Variants in CERS6 observed in about 807,000 individuals in gnomAD.
The protein encoded by CERS6 is ceramide synthase 6.
Under a neutral mutation model 56.8 loss-of-function variants are expected in CERS6, and 26 were observed. The ratio of observed to expected loss-of-function variants is 0.46; its 90% confidence interval spans 0.34 to 0.63. CERS6 has a LOEUF of 0.63. Ranked by LOEUF, CERS6 falls within the 30% of genes least tolerant of loss-of-function variation. The pLI is 0.01. For missense variants in CERS6, 415 were observed against 467.5 expected, an observed-to-expected ratio of 0.89 and a Z score of 1.04; for synonymous variants, 164 against 173.3, an observed-to-expected ratio of 0.95 and a Z score of 0.42.
intron 3 of CERS6, among the ~76,000 whole-genome samples, chr2:168,605,304 T>G (rs1684026882): frequency 6.6e-6 from 1 of 152,184 alleles, no homozygotes; most frequent in African/African-American, 2.4e-5. Context: ...TGGAAGAAAT[T>G]TCTAAGCAGC....
At chr2:168,620,997 A>C (rs1684458787) in intron 3 of CERS6, among the ~76,000 whole-genome samples, 1 of 152,136 alleles carries the variant, frequency 6.6e-6, no homozygotes, top group South Asian at 2.1e-4. Context: ...TCCTGGGCTC[A>C]AGCAGTCTGC....
intron 4 of CERS6, among the ~76,000 whole-genome samples, chr2:168,659,403 A>G (rs1485963794): frequency 6.6e-6 from 1 of 152,270 alleles, no homozygotes; most frequent in Non-Finnish European, 1.5e-5. Flanking sequence ...CTTCTTGTAT[A>G]TATAGAAATG....
chr2:168,626,364 T>C (rs1405173595), intron 3 of CERS6, among the ~76,000 whole-genome samples: 2 of 152,138 alleles, frequency 1.3e-5, no homozygotes, highest in African/African-American at 4.8e-5. Context: ...TTCCCCTGCT[T>C]CTGCTGCCTC....
At position 168,769,652 on chromosome 2, in the gene CERS6, T is replaced by C. The variant is rs1684815112; in HGVS notation, c.1145T>C (p.Met382Thr). Residue 382 changes from methionine to threonine, a missense_variant, in exon 10 of 10, where the codon ATG becomes ACG. Physicochemically the swap from Met to Thr is moderately conservative, Grantham distance 81. Transcript: ENST00000305747. ...NGYLLTGSCS[M>T]DD ...TATCTCCTGACTGGCTCCTGCTCCATGGATGATTAATTACTCAAAACTACA... is the reference window on the plus strand; with the variant it reads ...TATCTCCTGACTGGCTCCTGCTCCACGGATGATTAATTACTCAAAACTACA... 1 of 1,610,288 alleles carries C rather than the reference T, an allele frequency of 6.2e-7. No individual in the cohort carries two copies. Among genetic ancestry groups the C allele is most frequent in the Non-Finnish European group, 8.5e-7 (1 of 1,178,862 alleles).
intron 4 of CERS6, among the ~76,000 whole-genome samples, chr2:168,673,933 A>G (rs1468818256): frequency 2.6e-5 from 4 of 152,130 alleles, no homozygotes; most frequent in African/African-American, 4.8e-5. Flanking sequence ...TATGTCTTCC[A>G]TGGCCATATG....
chr2:168,742,237 A>G (rs1478179226), intron 8 of CERS6, among the ~76,000 whole-genome samples: 2 of 152,108 alleles, frequency 1.3e-5, no homozygotes, highest in African/African-American at 4.8e-5. Context: ...CAGGAGCCTG[A>G]TGTTCTTATT....
intron 1 of CERS6, among the ~76,000 whole-genome samples, chr2:168,498,240 C>G (rs1346759671): frequency 6.6e-6 from 1 of 152,114 alleles, no homozygotes; most frequent in East Asian, 1.9e-4. Context: ...TTTTAATCCC[C>G]CTCCACATCT....
intron 3 of CERS6, among the ~76,000 whole-genome samples, chr2:168,613,177 A>G (rs1684229521): frequency 6.6e-6 from 1 of 152,202 alleles, no homozygotes; most frequent in Non-Finnish European, 1.5e-5. Flanking sequence ...GGAAGGAAGA[A>G]ACAGTGGATT....
chr2:168,490,292 G>A (rs1694346943), intron 1 of CERS6, among the ~76,000 whole-genome samples: 1 of 152,064 alleles, frequency 6.6e-6, no homozygotes, highest in Admixed American at 6.6e-5. Flanking sequence ...ATCCTCTTTG[G>A]CCTGTGAGGG....
In CERS6 at chr2:168,670,646, G is replaced by C. The variant is rs1213773576; in HGVS notation, c.466-20388G>C. 2.0e-5 allele frequency among the ~76,000 whole-genome samples: 3 copies of C among 152,126 alleles called. No individual in the cohort carries two copies. In the East Asian group the frequency reaches 5.8e-4, roughly 29 times the overall value. On this transcript the variant is annotated intron_variant, in intron 4 of 9. Coordinates refer to ENST00000305747, the MANE Select transcript of CERS6 (RefSeq NM_203463.3). The stretch of plus-strand genomic sequence containing the variant: ...AAAACAGAAAAGTGAAAGTTACAAT[G>C]ATAGTGATTTCCTTCAGGCTTTTGC...
chr2:168,705,039 C>T (rs1353491565), intron 6 of CERS6, among the ~76,000 whole-genome samples: 1 of 152,124 alleles, frequency 6.6e-6, no homozygotes, highest in Non-Finnish European at 1.5e-5. Context: ...CTCACACGTC[C>T]GTTTCTGAGA....
chr2:168,636,563 C>T (rs1267759179), intron 4 of CERS6, among the ~76,000 whole-genome samples: 1 of 152,116 alleles, frequency 6.6e-6, no homozygotes, highest in African/African-American at 2.4e-5. Context: ...ATTGTCATCC[C>T]TTCACATAAA....
chr2:168,739,748 A>G (rs894368109), intron 8 of CERS6, among the ~76,000 whole-genome samples: 15 of 151,680 alleles, frequency 9.9e-5, no homozygotes, highest in Non-Finnish European at 1.8e-4. Flanking sequence ...AGAAGAAAGG[A>G]ACTTTTTTTT....
chr2:168,545,106 T>C (rs541594134), intron 1 of CERS6, among the ~76,000 whole-genome samples: 36 of 151,348 alleles, frequency 2.4e-4, no homozygotes, highest in Admixed American at 5.9e-4. Context: ...TAGAAACACA[T>C]ACATGTATTT....
At chr2:168,501,808 G>A (rs1024523126) in intron 1 of CERS6, among the ~76,000 whole-genome samples, 1 of 152,200 alleles carries the variant, frequency 6.6e-6, no homozygotes, top group African/African-American at 2.4e-5. Flanking sequence ...CCTGGCTGGT[G>A]AAACGAGTTC....
At chr2:168,630,698 A>G (rs1011128883) in intron 3 of CERS6, among the ~76,000 whole-genome samples, 1 of 151,382 alleles carries the variant, frequency 6.6e-6, no homozygotes, top group African/African-American at 2.5e-5. Context: ...GTGATAAACA[A>G]GAAGAAGTTC....
At chr2:168,559,936 A>G (rs1227675611) in intron 2 of CERS6, among the ~76,000 whole-genome samples, 1 of 151,688 alleles carries the variant, frequency 6.6e-6, no homozygotes, top group African/African-American at 2.4e-5. Flanking sequence ...GTAGTAGATC[A>G]CCCTCATGTG....
rs1683795403 is a variant in CERS6 at position 168,596,320 on chromosome 2, TTATG to T, written c.408-34663_408-34660del. Among the ~76,000 whole-genome samples the T allele has an allele frequency of 2.0e-5, 3 of 151,612 alleles. No homozygotes were observed. The South Asian group carries it at 6.3e-4, about 32-fold the overall frequency. On this transcript the variant is annotated intron_variant, in intron 3 of 9. Transcript: ENST00000305747. ...GGACCTCAATAGGGTGGAGACCAGATTATGTGTGTGGGCGGGGGATTGGGGGGAG... is the reference window on the plus strand; with the variant it reads ...GGACCTCAATAGGGTGGAGACCAGATTGTGTGGGCGGGGGATTGGGGGGAG...
rs144930985 is a variant in CERS6, at chr2:168,574,254, G to GT, written c.407+12935dup. Among the ~76,000 whole-genome samples, 756 of 152,192 alleles carry GT rather than the reference G, an allele frequency of 5.0e-3. 4 individuals are homozygous for GT. The highest frequency in any genetic ancestry group is 0.017 in the African/African-American group (713 of 41,522). ...ATTGTCTTATCTGGAATTATGAAGC[G>GT]TTTACATGAATCCTGGCTAAATCTT... On this transcript the variant is annotated intron_variant, in intron 3 of 9. Coordinates refer to ENST00000305747, the MANE Select transcript of CERS6 (RefSeq NM_203463.3).
Sources: allele counts gnomAD v4.1 joint callset (sites outside exome capture counted in the v4.1 genomes callset), GRCh38; gene constraint gnomAD v4.1.1; transcripts MANE v1.5; gene names NCBI Gene and HGNC (gene_info 2026-07-23, HGNC 2026-07-21).